NOTCH2: variants seen among roughly 807,000 people sequenced by gnomAD.
NOTCH2 encodes the protein notch receptor 2.
NOTCH2 carries 29 observed loss-of-function variants against 235.8 expected under a neutral mutation model. The ratio of observed to expected loss-of-function variants is 0.12; its 90% confidence interval spans 0.09 to 0.17. NOTCH2 has a LOEUF of 0.17. Ranked by LOEUF, NOTCH2 falls within the 10% of genes least tolerant of loss-of-function variation. NOTCH2 has a pLI of 1.00. For synonymous variants in NOTCH2, 1,086 were observed against 1,141.5 expected, an observed-to-expected ratio of 0.95 and a Z score of 0.98; for missense variants, 2,285 against 3,150.2, an observed-to-expected ratio of 0.73 and a Z score of 6.57.
At chr1:120,004,976 T>C (rs1370291180) in intron 3 of NOTCH2, among the ~76,000 whole-genome samples, 6 of 152,166 alleles carry the variant, frequency 3.9e-5, no homozygotes, top group Non-Finnish European at 7.4e-5. Context: ...TTTGTAGAGA[T>C]GGGGTCTTGC....
chr1:119,982,982 C>T (rs1033479818), intron 5 of NOTCH2, among the ~76,000 whole-genome samples: 1 of 152,182 alleles, frequency 6.6e-6, no homozygotes, highest in Non-Finnish European at 1.5e-5. Context: ...ACCATCTTTG[C>T]ATCTGAAGTA....
chr1:119,925,705 G>T lies in NOTCH2; in HGVS notation c.4111C>A (p.Pro1371Thr). 1.2e-6 allele frequency: 2 copies of T among 1,613,028 alleles called. No homozygotes were observed. Among genetic ancestry groups the T allele is most frequent in the East Asian group, 2.2e-5 (1 of 44,852 alleles). ...ASGPRCFCPS[P>T]RDCESGCASS... ...GCACAGCCTGACTCGCAGTCCCGGG[G>T]ACTGGGGCAGAAGCAGCGGGGTCCA... The change falls in exon 25 of 34, where the codon CCC becomes ACC. Residue 1371 changes from proline (P) to threonine (T), a missense_variant. Pro to Thr is a conservative substitution (Grantham distance 38). Transcript: ENST00000256646.
intron 23 of NOTCH2, among the ~76,000 whole-genome samples, chr1:119,928,607 C>T (rs962159371): frequency 1.3e-5 from 2 of 152,190 alleles, no homozygotes; most frequent in African/African-American, 4.8e-5. Context: ...AACAATGCCA[C>T]TGAACTGTAC....
intron 2 of NOTCH2, among the ~76,000 whole-genome samples, chr1:120,009,332 T>C (rs1281425635): frequency 6.6e-6 from 1 of 151,548 alleles, no homozygotes; most frequent in African/African-American, 2.4e-5. Flanking sequence ...CAGAACCATA[T>C]ATTTGCTTTA....
chr1:119,942,276 A>G (rs1267038779), intron 17 of NOTCH2, among the ~76,000 whole-genome samples: 1 of 152,200 alleles, frequency 6.6e-6, no homozygotes, highest in African/African-American at 2.4e-5. Flanking sequence ...ACATAGCTTG[A>G]TCTTGGAACA....
At chr1:120,001,762 T>C (rs1193790917) in intron 3 of NOTCH2, among the ~76,000 whole-genome samples, 1 of 152,198 alleles carries the variant, frequency 6.6e-6, no homozygotes, top group Non-Finnish European at 1.5e-5. Context: ...ATGGAATGCC[T>C]TATCCACTGT....
intron 1 of NOTCH2, among the ~76,000 whole-genome samples, chr1:120,048,074 T>C (rs1280703117): frequency 1.3e-5 from 2 of 151,602 alleles, no homozygotes; most frequent in Non-Finnish European, 2.9e-5. Flanking sequence ...GCTGAAAAAT[T>C]ACTTACCTTT....
At chr1:119,920,915 A>T (rs915451445) in intron 29 of NOTCH2, among the ~76,000 whole-genome samples, 4 of 152,212 alleles carry the variant, frequency 2.6e-5, no homozygotes, top group Non-Finnish European at 5.9e-5. Context: ...CAATAATAAT[A>T]ATCATGATAA....
At chr1:119,968,345 A>G (rs1455196549) in intron 6 of NOTCH2, 113 bp from the exon 7 acceptor site, 13 of 1,152,278 alleles carry the variant, frequency 1.1e-5, no homozygotes, top group African/African-American at 1.5e-5. Context: ...AGAATCCAAC[A>G]TGGAGATTTA....
Position 119,949,139 on chromosome 1 carries a change from T to A in NOTCH2, c.2480-13A>T. 6.2e-7 allele frequency: 1 copy of A among 1,614,132 alleles called. No individual in the cohort carries two copies. Among genetic ancestry groups the A allele is most frequent in the South Asian group, 1.1e-5 (1 of 91,084 alleles). ...TGACAATTCTTGCCTAGAAAGTAAA[T>A]GACAGAGTTTATGACAGATAAACAG... On this transcript the variant is annotated splice_polypyrimidine_tract_variant and intron_variant, in intron 15 of 33. Transcript: ENST00000256646.
At chr1:120,014,910 C>T (rs1249125491) in intron 2 of NOTCH2, among the ~76,000 whole-genome samples, 1 of 139,588 alleles carries the variant, frequency 7.2e-6, no homozygotes, top group African/African-American at 2.6e-5. Context: ...GTTCTCTCCC[C>T]TTGTTTTCTC....
intron 15 of NOTCH2, among the ~76,000 whole-genome samples, chr1:119,949,701 G>A (rs1453434966): frequency 6.6e-6 from 1 of 151,944 alleles, no homozygotes; most frequent in Non-Finnish European, 1.5e-5. Flanking sequence ...TTCTTCTAGA[G>A]GGGAAAAAGT....
In NOTCH2 at chr1:119,950,759, C is replaced by A. The variant is rs1553197696; in HGVS notation, c.2444G>T (p.Ser815Ile). The A allele has an allele frequency of 6.2e-7, 1 of 1,614,080 alleles. No individual in the cohort carries two copies. The highest frequency in any genetic ancestry group is 1.1e-5 in the South Asian group (1 of 91,080). ...CAGCACACAGTGGCAAGTGTAGCCACTTATGTCATCAAAGCAGGTTCCTTG... is the reference window on the plus strand; with the variant it reads ...CAGCACACAGTGGCAAGTGTAGCCAATTATGTCATCAAAGCAGGTTCCTTG... ...LNQGTCFDDI[S>I]GYTCHCVLPY... Residue 815 changes from serine to isoleucine, a missense_variant, in exon 15 of 34, where the codon AGT becomes ATT. Physicochemically the swap from Ser to Ile is moderately radical, Grantham distance 142. This residue lies in a region of NOTCH2 where 1,173 missense variants were observed against 1,515.3 expected (regional missense o/e 0.77). Coordinates refer to ENST00000256646, the MANE Select transcript of NOTCH2 (RefSeq NM_024408.4).
At chr1:120,029,329 T>C (rs1654001308) in intron 2 of NOTCH2, among the ~76,000 whole-genome samples, 1 of 151,758 alleles carries the variant, frequency 6.6e-6, no homozygotes, top group Admixed American at 6.6e-5. Flanking sequence ...CACAAGGGAA[T>C]CTAATATATA....
At chr1:120,010,724 C>T (rs187357549) in intron 2 of NOTCH2, among the ~76,000 whole-genome samples, 1 of 152,362 alleles carries the variant, frequency 6.6e-6, no homozygotes, top group Admixed American at 6.5e-5. Context: ...GGGTGGATCC[C>T]ACTGTGAGAA....
chr1:119,986,955 C>CA lies in NOTCH2; in HGVS notation c.874+4dup. The CA allele has an allele frequency of 6.2e-7, 1 of 1,613,528 alleles. No homozygotes were observed. Among genetic ancestry groups the CA allele is most frequent in the Non-Finnish European group, 8.5e-7 (1 of 1,179,528 alleles). ...ATTCTGGTGGATTCTCCACACTGTA[C>CA]ATACCTGTCCATTGTGGGGGACAGC... On this transcript the variant is annotated splice_donor_region_variant and intron_variant, in intron 5 of 33. Coordinates refer to ENST00000256646, the MANE Select transcript of NOTCH2 (RefSeq NM_024408.4).
chr1:119,966,792 G>A (rs919219233), intron 8 of NOTCH2, among the ~76,000 whole-genome samples: 11 of 152,208 alleles, frequency 7.2e-5, no homozygotes, highest in Non-Finnish European at 1.6e-4. Flanking sequence ...TTTCTGGACT[G>A]TGGAAGGCCC....
At chr1:119,980,476 C>T (rs782079746) in intron 5 of NOTCH2, among the ~76,000 whole-genome samples, 2 of 152,146 alleles carry the variant, frequency 1.3e-5, no homozygotes, top group Non-Finnish European at 2.9e-5. Flanking sequence ...TTCAGTTGTG[C>T]AAAATCTTAC....
chr1:119,950,756 C>T lies in NOTCH2; in HGVS notation c.2447G>A (p.Gly816Asp), dbSNP rs1553197694. 6.2e-7 allele frequency: 1 copy of T among 1,613,754 alleles called. No homozygotes were observed. Among genetic ancestry groups the T allele is most frequent in the East Asian group, 2.2e-5 (1 of 44,884 alleles). The change falls in exon 15 of 34, where the codon GGC becomes GAC. Residue 816 changes from glycine to aspartate, a missense_variant. Around this residue, in one of 6 missense-constraint regions of NOTCH2, gnomAD observed 1,173 missense variants for 1,515.3 expected, o/e 0.77. Transcript: ENST00000256646. ...NQGTCFDDIS[G>D]YTCHCVLPYT... ...TGGCAGCACACAGTGGCAAGTGTAG[C>T]CACTTATGTCATCAAAGCAGGTTCC...
Sources: gnomAD v4.1 joint callset for allele counts (sites outside exome capture counted in the v4.1 genomes callset) on GRCh38, gnomAD v4.1.1 for gene constraint, gnomAD v4.1.1 regional missense constraint, MANE v1.5 for transcripts, NCBI Gene and HGNC (gene_info 2026-07-23, HGNC 2026-07-21) for gene names.